Variants in SPOCK1 observed in about 807,000 individuals in gnomAD.
The protein encoded by SPOCK1 is SPARC (osteonectin), cwcv and kazal like domains proteoglycan 1, also known as testican-1.
A neutral mutation model predicts 55.3 loss-of-function variants in SPOCK1; 23 were observed. That is an observed-to-expected ratio of 0.42 (90% confidence interval 0.30 to 0.59). The LOEUF is 0.59. Among genes scored for constraint, SPOCK1 ranks in the 20% least tolerant of loss-of-function variants. SPOCK1 has a pLI of 0.22. For missense variants in SPOCK1, 499 were observed against 552.5 expected, an observed-to-expected ratio of 0.90 and a Z score of 0.97; for synonymous variants, 226 against 221.0, an observed-to-expected ratio of 1.02 and a Z score of -0.20.
Position 136,976,956 on chromosome 5 carries a change from T to C in SPOCK1, c.*1698A>G, listed in dbSNP as rs561398642. On this transcript the variant is annotated 3_prime_UTR_variant, in exon 11 of 11. Coordinates refer to ENST00000394945, the MANE Select transcript of SPOCK1 (RefSeq NM_004598.4). ...GATTGGTCAGCTGCCACTATAATCATGTTTTGGCTGAACATATTTCTTGCT... is the reference window on the plus strand; with the variant it reads ...GATTGGTCAGCTGCCACTATAATCACGTTTTGGCTGAACATATTTCTTGCT... 2 of 152,368 alleles carry C rather than the reference T, an allele frequency of 1.3e-5. No individual in the cohort carries two copies. Among genetic ancestry groups the C allele is most frequent in the East Asian group, 1.9e-4 (1 of 5,186 alleles). The allele number at this position is 152,368 out of a possible 1,614,324, so 9.4% of individuals were successfully genotyped here.
At chr5:137,115,129 C>T (rs578189945) in intron 4 of SPOCK1, among the ~76,000 whole-genome samples, 1 of 152,274 alleles carries the variant, frequency 6.6e-6, no homozygotes, top group South Asian at 2.1e-4. Context: ...TGGTGCCTAT[C>T]AGAGGGCCTG....
intron 2 of SPOCK1, among the ~76,000 whole-genome samples, chr5:137,422,734 C>T (rs1168849966): frequency 1.3e-5 from 2 of 152,168 alleles, no homozygotes; most frequent in Non-Finnish European, 2.9e-5. Flanking sequence ...CTTTGAACTT[C>T]CTCCTTTAGC....
chr5:137,165,474 T>G (rs536555319), intron 3 of SPOCK1, among the ~76,000 whole-genome samples: 1 of 152,182 alleles, frequency 6.6e-6, no homozygotes, highest in African/African-American at 2.4e-5. Context: ...CTGCAAAGAC[T>G]GCAGTAAATA....
At chr5:137,487,333 C>CAAA (rs11330611) in intron 2 of SPOCK1, among the ~76,000 whole-genome samples, 5 of 53,282 alleles carry the variant, frequency 9.4e-5, no homozygotes, top group African/African-American at 2.6e-4. Context: ...TCTGATCTTT[C>CAAA]AAAAAAAAAA....
At chr5:137,066,987 C>CACACACAGAGAGAGAGAG (rs1343691789) in intron 6 of SPOCK1, among the ~76,000 whole-genome samples, 55 of 139,652 alleles carry the variant, frequency 3.9e-4, no homozygotes, top group South Asian at 3.3e-3. Flanking sequence ...CACACACACA[C>CACACACAGAGAGAGAGAG]AGAGAGAGAG....
chr5:136,992,539 G>C lies in SPOCK1; in HGVS notation c.651C>G (p.Leu217=), dbSNP rs1247883258. ...TGATGACTCTGTTCGCATCCTCGTG[G>C]AGAGCTCCAAACCAATCCTTCAGCC... is the stretch of plus-strand genomic sequence containing the variant. ...ASRLKDWFGA[L]HEDANRVIKP... is the part of the protein sequence containing the mutation. The change falls in exon 7 of 11, where the codon CTC becomes CTG. Residue 217 remains leucine (L), a synonymous_variant. Coordinates refer to ENST00000394945, the MANE Select transcript of SPOCK1 (RefSeq NM_004598.4). The C allele has an allele frequency of 2.2e-5, 35 of 1,613,790 alleles. No individual in the cohort carries two copies. The highest frequency in any genetic ancestry group is 2.7e-5 in the Non-Finnish European group (32 of 1,179,898).
chr5:137,445,530 A>G (rs974539307), intron 2 of SPOCK1, among the ~76,000 whole-genome samples: 2 of 152,244 alleles, frequency 1.3e-5, no homozygotes, highest in African/African-American at 4.8e-5. Context: ...GAAGAGTATC[A>G]TACAAGTGTA....
chr5:137,232,213 A>T (rs1044269238), intron 3 of SPOCK1, among the ~76,000 whole-genome samples: 6 of 152,144 alleles, frequency 3.9e-5, no homozygotes, highest in African/African-American at 1.4e-4. Flanking sequence ...CAGTTTACCA[A>T]ACTTTCCTCT....
At chr5:137,225,557 C>G (rs1037734873) in intron 3 of SPOCK1, among the ~76,000 whole-genome samples, 4 of 152,172 alleles carry the variant, frequency 2.6e-5, no homozygotes, top group Non-Finnish European at 5.9e-5. Flanking sequence ...CACCCATACT[C>G]AAACACAAAC....
intron 2 of SPOCK1, among the ~76,000 whole-genome samples, chr5:137,287,643 CTAGA>C (rs1346665100): frequency 6.6e-6 from 1 of 152,172 alleles, no homozygotes; most frequent in African/African-American, 2.4e-5. Context: ...GCAATTGTCT[CTAGA>C]TAGACACTAG....
chr5:137,427,981 T>C (rs1752670597), intron 2 of SPOCK1, among the ~76,000 whole-genome samples: 3 of 151,826 alleles, frequency 2.0e-5, no homozygotes, highest in Admixed American at 1.3e-4. Context: ...AAGTCCTGTT[T>C]CCATGCTCAA....
intron 4 of SPOCK1, among the ~76,000 whole-genome samples, chr5:137,120,095 C>G (rs568835547): frequency 6.6e-6 from 1 of 152,252 alleles, no homozygotes; most frequent in East Asian, 1.9e-4. Flanking sequence ...TTGATTCAAG[C>G]TGGGAGGTCA....
chr5:137,172,756 G>T (rs1044117981), intron 3 of SPOCK1, among the ~76,000 whole-genome samples: 1 of 152,138 alleles, frequency 6.6e-6, no homozygotes, highest in Non-Finnish European at 1.5e-5. Context: ...ATGGAGGTGA[G>T]CTCACTTCAG....
At chr5:136,992,369 T>G in intron 7 of SPOCK1, 115 bp downstream of exon 7, 2 of 843,072 alleles carry the variant, frequency 2.4e-6, no homozygotes, top group South Asian at 4.3e-5. Flanking sequence ...TGGGACATAT[T>G]TAAAGTCAAA....
chr5:137,027,245 G>A (rs1281773335), intron 6 of SPOCK1, among the ~76,000 whole-genome samples: 1 of 152,134 alleles, frequency 6.6e-6, no homozygotes, highest in African/African-American at 2.4e-5. Context: ...TTTTTGTTAG[G>A]GGGAAGGAGA....
intron 2 of SPOCK1, among the ~76,000 whole-genome samples, chr5:137,375,827 T>C (rs13178069): frequency 0.13 from 19,552 of 152,226 alleles, 1,575 homozygotes; most frequent in East Asian, 0.27. Context: ...GCACAGGCTA[T>C]GCGTGACCTC....
chr5:137,211,315 C>T (rs1755610987), intron 3 of SPOCK1, among the ~76,000 whole-genome samples: 1 of 152,242 alleles, frequency 6.6e-6, no homozygotes, highest in African/African-American at 2.4e-5. Context: ...TCTTTAAGTA[C>T]CTGTGAGGCT....
intron 6 of SPOCK1, among the ~76,000 whole-genome samples, chr5:137,042,053 G>A (rs1282084356): frequency 1.3e-5 from 2 of 152,096 alleles, no homozygotes; most frequent in Non-Finnish European, 2.9e-5. Context: ...CAACCAAGAT[G>A]CCCTTCAATA....
At chr5:137,431,386 T>C (rs1752740011) in intron 2 of SPOCK1, among the ~76,000 whole-genome samples, 1 of 152,190 alleles carries the variant, frequency 6.6e-6, no homozygotes, top group African/African-American at 2.4e-5. Context: ...CTGCTCAGAG[T>C]TCTGTTTCCA....
Sources: gnomAD v4.1 joint callset for allele counts (sites outside exome capture counted in the v4.1 genomes callset) on GRCh38, gnomAD v4.1.1 for gene constraint, MANE v1.5 for transcripts, NCBI Gene and HGNC (gene_info 2026-07-23, HGNC 2026-07-21) for gene names.